EDEM1: variants seen among roughly 807,000 people sequenced by gnomAD.
The protein encoded by EDEM1 is ER degradation enhancing alpha-mannosidase like protein 1.
Under a neutral mutation model 74.4 loss-of-function variants are expected in EDEM1, and 67 were observed. The observed-to-expected ratio is 0.90, with a 90% confidence interval of 0.74 to 1.10. EDEM1 has a LOEUF of 1.10. EDEM1 is among the 50% of genes least tolerant of loss of function. The pLI is 0.00. For missense variants in EDEM1, 926 were observed against 851.6 expected (o/e 1.09, Z -1.09); for synonymous variants, 382 against 335.9 (o/e 1.14, Z -1.50).
chr3:5,207,054 T>C, intron 6 of EDEM1, 99 bp from the exon 7 acceptor site: 13 of 1,514,010 alleles, frequency 8.6e-6, no homozygotes, highest in Non-Finnish European at 1.2e-5. Flanking sequence ...AAAATTAATG[T>C]TAATTCCGTT....
intron 3 of EDEM1, 106 bp downstream of exon 3, chr3:5,199,801 C>T (rs2055013174): frequency 4.9e-6 from 4 of 810,024 alleles, no homozygotes; most frequent in African/African-American, 1.7e-5. Context: ...GGCAGGGAGT[C>T]CATATGGGCT....
intron 1 of EDEM1, among the ~76,000 whole-genome samples, chr3:5,190,986 A>G (rs1225259426): frequency 3.3e-5 from 5 of 152,178 alleles, no homozygotes; most frequent in Non-Finnish European, 7.4e-5. Flanking sequence ...CACATCATGG[A>G]AAATTGGGTA....
Position 5,199,590 on chromosome 3 carries a change from A to G in EDEM1, c.583-2A>G. On this transcript the variant is annotated splice_acceptor_variant, in intron 2 of 11. Transcript: ENST00000256497. LOFTEE classifies it high-confidence loss of function. ...TAATGACCTGTGTTCCTCTTTTTAA[A>G]GATAATGGGAAATTCATCCGAGTTC... 6.2e-7 allele frequency: 1 copy of G among 1,608,134 alleles called. No individual in the cohort carries two copies. Among genetic ancestry groups the G allele is most frequent in the Non-Finnish European group, 8.5e-7 (1 of 1,176,038 alleles).
chr3:5,202,259 A>G (rs1030338631), intron 4 of EDEM1, among the ~76,000 whole-genome samples: 2 of 152,160 alleles, frequency 1.3e-5, no homozygotes, highest in African/African-American at 4.8e-5. Flanking sequence ...GTTTGTCTTC[A>G]TCTCTGACTT....
chr3:5,191,509 A>G (rs2106585928), intron 1 of EDEM1, among the ~76,000 whole-genome samples: 1 of 152,240 alleles, frequency 6.6e-6, no homozygotes, highest in South Asian at 2.1e-4. Flanking sequence ...CTGAGATTAT[A>G]GGTGTGAGCC....
chr3:5,207,144 G>A lies in EDEM1; in HGVS notation c.1218-9G>A, dbSNP rs79868109. 4.2e-3 allele frequency: 6,806 copies of A among 1,613,778 alleles called. 245 individuals are homozygous for A. In the African/African-American group the frequency reaches 0.075, roughly 18 times the overall value. On this transcript the variant is annotated splice_polypyrimidine_tract_variant and intron_variant, in intron 6 of 11. Coordinates refer to ENST00000256497, the MANE Select transcript of EDEM1 (RefSeq NM_014674.3). ...TTTTCACCACTGAATGTGCTGCTTGGGTTTGCAGGCGGGAAGCCTGCAATG... is the reference window on the plus strand; with the variant it reads ...TTTTCACCACTGAATGTGCTGCTTGAGTTTGCAGGCGGGAAGCCTGCAATG...
intron 2 of EDEM1, among the ~76,000 whole-genome samples, chr3:5,198,662 C>CTTTTTTTTTTTT (rs57260414): frequency 2.7e-5 from 2 of 75,160 alleles, no homozygotes; most frequent in African/African-American, 9.1e-5. Flanking sequence ...ACGTATATAG[C>CTTTTTTTTTTTT]TTTTTTTTTT....
Position 5,187,852 on chromosome 3 carries a change from G to T in EDEM1, c.47G>T (p.Gly16Val), listed in dbSNP as rs202133841. ...CTGGGGCTGGTGCTCCTCCGGCTTG[G>T]CCTCCATGGAGTATTGTGGCTCGTC... ...LVLGLVLLRL[G>V]LHGVLWLVFG... The change falls in exon 1 of 12, where the codon GGC (glycine) becomes GTC (valine). Residue 16 changes from glycine (G) to valine (V), a missense_variant. By Grantham distance (109) the Gly-to-Val change is moderately radical. Coordinates refer to ENST00000256497, the MANE Select transcript of EDEM1 (RefSeq NM_014674.3). 1.9e-6 allele frequency: 3 copies of T among 1,595,188 alleles called. No individual in the cohort carries two copies. Among genetic ancestry groups the T allele is most frequent in the Admixed American group, 1.7e-5 (1 of 57,974 alleles).
In EDEM1 at chr3:5,208,154, A is replaced by ATCT; in HGVS notation, c.1400_1401insTCT (p.Lys467delinsAsnLeu). 1.2e-6 allele frequency: 2 copies of ATCT among 1,612,788 alleles called. No homozygotes were observed. The highest frequency in any genetic ancestry group is 1.7e-6 in the Non-Finnish European group (2 of 1,179,708). ...CATGCCTTCTACTATGCCATATGGA[A>ATCT]ACGATATGGTGCCCTCCCTGAGAGA... On this transcript the variant is annotated protein_altering_variant, in exon 8 of 12. Transcript: ENST00000256497.
At position 5,218,948 on chromosome 3, in the gene EDEM1, C is replaced by T. The variant is rs2055277734; in HGVS notation, c.*3030C>T. 6.6e-6 allele frequency: 1 copy of T among 152,034 alleles called. No homozygotes were observed. The highest frequency in any genetic ancestry group is 2.4e-5 in the African/African-American group (1 of 41,390). 9.4% of individuals were successfully genotyped at this position (152,034 alleles called of 1,614,324 possible). The stretch of plus-strand genomic sequence containing the variant: ...TTTAGATCATGGACTGTGCACGTGA[C>T]ACTTAAATAATTTTCTATGTATTTA... On this transcript the variant is annotated 3_prime_UTR_variant, in exon 12 of 12. Coordinates refer to ENST00000256497, the MANE Select transcript of EDEM1 (RefSeq NM_014674.3).
chr3:5,209,156 C>T (rs1267604064), intron 8 of EDEM1, among the ~76,000 whole-genome samples: 2 of 152,118 alleles, frequency 1.3e-5, no homozygotes, highest in African/African-American at 4.8e-5. Flanking sequence ...TATACCAAAT[C>T]CTTGCCGTTT....
chr3:5,197,548 C>T (rs2054984477), intron 2 of EDEM1, among the ~76,000 whole-genome samples: 1 of 152,236 alleles, frequency 6.6e-6, no homozygotes, highest in African/African-American at 2.4e-5. Context: ...TCAGCACCTG[C>T]AGCTTCACCA....
chr3:5,188,102 C>G lies in EDEM1; in HGVS notation c.297C>G (p.Asn99Lys), dbSNP rs773847434. The stretch of plus-strand genomic sequence containing the variant: ...GGCCGGGGATGTGCGGCCCAGCCAA[C>G]TGGGGCTACGTGCTGGGCGGCCGGG... ...RPGPGMCGPA[N>K]WGYVLGGRGR... Residue 99 changes from asparagine to lysine, a missense_variant, in exon 1 of 12, where the codon AAC (asparagine) becomes AAG (lysine). Physicochemically the swap from Asn to Lys is moderately conservative, Grantham distance 94. Transcript: ENST00000256497. 5 of 1,512,632 alleles carry G rather than the reference C, an allele frequency of 3.3e-6. No homozygotes were observed. In the South Asian group the frequency reaches 6.2e-5, roughly 19 times the overall value. 93.7% of individuals were successfully genotyped at this position (1,512,632 alleles called of 1,614,324 possible).
At position 5,191,978 on chromosome 3, in the gene EDEM1, A is replaced by G. The variant is rs138734087; in HGVS notation, c.510-3231A>G. On this transcript the variant is annotated intron_variant, in intron 1 of 11. Transcript: ENST00000256497. Reference sequence around the variant, plus strand: ...ACTGTATTGCTATTAAAACAACAAAACAAATCTCAAATTAAGCCAAACAAA... The same window carrying G: ...ACTGTATTGCTATTAAAACAACAAAGCAAATCTCAAATTAAGCCAAACAAA... Among the ~76,000 whole-genome samples the G allele has an allele frequency of 1.4e-3, 209 of 152,342 alleles. 1 individual carries two copies. The highest frequency in any genetic ancestry group is 4.9e-3 in the African/African-American group (204 of 41,568).
rs1271231840 is a variant in EDEM1 at position 5,217,843 on chromosome 3, C to G, written c.*1925C>G. Reference sequence around the variant, plus strand: ...CACACGAGCATACTTGTACCTTTGTCTCTGGGCAAACAGGTGGGACTGTTA... The same window carrying G: ...CACACGAGCATACTTGTACCTTTGTGTCTGGGCAAACAGGTGGGACTGTTA... On this transcript the variant is annotated 3_prime_UTR_variant, in exon 12 of 12. Transcript: ENST00000256497. The G allele has an allele frequency of 1.3e-5, 2 of 152,150 alleles. No homozygotes were observed. Among genetic ancestry groups the G allele is most frequent in the Non-Finnish European group, 2.9e-5 (2 of 68,032 alleles). 9.4% of individuals were successfully genotyped at this position (152,150 alleles called of 1,614,324 possible). A position where few individuals can be genotyped will look rare whatever the true frequency, so the allele number is the denominator to read the frequency against.
In EDEM1 at chr3:5,213,392, C is replaced by T. The variant is rs368455743; in HGVS notation, c.1754C>T (p.Ser585Phe). 2 of 1,613,976 alleles carry T rather than the reference C, an allele frequency of 1.2e-6. No homozygotes were observed. Among genetic ancestry groups the T allele is most frequent in the African/African-American group, 1.3e-5 (1 of 74,900 alleles). Residue 585 changes from serine (S) to phenylalanine (F), a missense_variant, in exon 11 of 12, where the codon TCT becomes TTT. Transcript: ENST00000256497. ...YMFTTEGHIV[S>F]VDEHLRELPW... ...TTCACAACAGAGGGACACATTGTAT[C>T]TGTGGATGAGCATCTTCGGGAATTG...
chr3:5,215,978 C>A lies in EDEM1; in HGVS notation c.*60C>A. On this transcript the variant is annotated 3_prime_UTR_variant, in exon 12 of 12. Coordinates refer to ENST00000256497, the MANE Select transcript of EDEM1 (RefSeq NM_014674.3). Reference sequence around the variant, plus strand: ...CTTAACGACCAAACCCAGACCATGCCAAAGTCCAGTCTGAAATGAAAGGGG... The same window carrying A: ...CTTAACGACCAAACCCAGACCATGCAAAAGTCCAGTCTGAAATGAAAGGGG... 7.1e-7 allele frequency: 1 copy of A among 1,416,634 alleles called. No homozygotes were observed. Among genetic ancestry groups the A allele is most frequent in the Non-Finnish European group, 9.8e-7 (1 of 1,016,810 alleles). 87.8% of individuals were successfully genotyped at this position (1,416,634 alleles called of 1,614,324 possible). A position where few individuals can be genotyped will look rare whatever the true frequency, so the allele number is the denominator to read the frequency against.
intron 6 of EDEM1, among the ~76,000 whole-genome samples, chr3:5,205,909 C>T (rs763973036): frequency 1.3e-5 from 2 of 151,884 alleles, no homozygotes; most frequent in Non-Finnish European, 2.9e-5. Context: ...TCTCGGGGGC[C>T]GTCTTAGAGA....
intron 11 of EDEM1, among the ~76,000 whole-genome samples, chr3:5,214,029 A>G (rs1461541907): frequency 2.0e-5 from 3 of 152,242 alleles, no homozygotes; most frequent in Non-Finnish European, 2.9e-5. Context: ...AGGGAAAAAA[A>G]GCAGTGATGG....
Sources: allele counts gnomAD v4.1 joint callset (sites outside exome capture counted in the v4.1 genomes callset), GRCh38; gene constraint gnomAD v4.1.1; transcripts MANE v1.5; gene names NCBI Gene and HGNC (gene_info 2026-07-23, HGNC 2026-07-21).